ERI1: variants seen among roughly 807,000 people sequenced by gnomAD.
The protein encoded by ERI1 is exoribonuclease 1.
In ERI1, 39 loss-of-function variants were observed where a neutral mutation model predicts 39.7. That is an observed-to-expected ratio of 0.98 (90% CI 0.76 to 1.28). The LOEUF is 1.28. Ranked by LOEUF, ERI1 falls within the 50% of genes most tolerant of loss-of-function variation. The probability of loss-of-function intolerance (pLI) is 0.00; values close to 1 mark genes in which losing one functional copy is unlikely to be tolerated. For missense variants in ERI1, 581 were observed against 416.9 expected, an observed-to-expected ratio of 1.39 and a Z score of -3.43; for synonymous variants, 204 against 149.6, an observed-to-expected ratio of 1.36 and a Z score of -2.65.
At chr8:9,007,072 T>C (rs918671196) in intron 1 of ERI1, among the ~76,000 whole-genome samples, 4 of 152,222 alleles carry the variant, frequency 2.6e-5, no homozygotes, top group Admixed American at 6.5e-5. Context: ...ATATTGCATG[T>C]GGAAAATAAC....
intron 3 of ERI1, among the ~76,000 whole-genome samples, chr8:9,038,374 A>G (rs1184073927): frequency 6.6e-6 from 1 of 152,240 alleles, no homozygotes; most frequent in Non-Finnish European, 1.5e-5. Context: ...TTTTCATGTT[A>G]TAGCTTGTCA....
chr8:9,039,133 A>G (rs1198927983), intron 3 of ERI1, among the ~76,000 whole-genome samples: 1 of 152,220 alleles, frequency 6.6e-6, no homozygotes, highest in Non-Finnish European at 1.5e-5. Flanking sequence ...ACTATCAAAT[A>G]ATTATTCATT....
chr8:9,013,196 G>A (rs1816854861), intron 3 of ERI1, among the ~76,000 whole-genome samples: 1 of 151,630 alleles, frequency 6.6e-6, no homozygotes. Flanking sequence ...TTGTATTTTA[G>A]TAGAGACAGG....
At chr8:9,077,896 CCTTT>C (rs1407504176) in intron 3 of ERI1, among the ~76,000 whole-genome samples, 2 of 152,214 alleles carry the variant, frequency 1.3e-5, no homozygotes, top group Admixed American at 1.3e-4. Context: ...CCCCATCCAA[CCTTT>C]CTTTCTGCCA....
At chr8:9,020,797 T>C (rs969821930) in intron 6 of ERI1, among the ~76,000 whole-genome samples, 1 of 152,210 alleles carries the variant, frequency 6.6e-6, no homozygotes, top group Admixed American at 6.5e-5. Flanking sequence ...GTGTGCCGTG[T>C]AAATGTTTAA....
At chr8:9,096,974 A>G (rs1016836600) in intron 3 of ERI1, 1 of 151,942 alleles carries the variant, frequency 6.6e-6, no homozygotes, top group Admixed American at 6.6e-5. Context: ...TGCCTTTATG[A>G]TGGGAGTCAG....
At chr8:9,060,602 C>G (rs1048335806) in intron 3 of ERI1, among the ~76,000 whole-genome samples, 3 of 152,056 alleles carry the variant, frequency 2.0e-5, no homozygotes, top group African/African-American at 7.2e-5. Context: ...TATGAAATGA[C>G]CACAGAATAG....
At chr8:9,050,688 C>T (rs73662287) in intron 3 of ERI1, among the ~76,000 whole-genome samples, 3,295 of 152,106 alleles carry the variant, frequency 0.022, 115 homozygotes, top group African/African-American at 0.075. Flanking sequence ...GGAAATTGTC[C>T]CTAAAATGAG....
intron 2 of ERI1, among the ~76,000 whole-genome samples, chr8:9,009,924 T>A (rs1385598557): frequency 1.3e-5 from 2 of 152,198 alleles, no homozygotes; most frequent in Admixed American, 6.5e-5. Flanking sequence ...GTAGCCAAGT[T>A]GTGAAGGAAC....
chr8:9,016,122 T>A (rs1423749118), intron 3 of ERI1, among the ~76,000 whole-genome samples, 200 bp from the exon 4 acceptor site: 2 of 152,226 alleles, frequency 1.3e-5, no homozygotes, highest in African/African-American at 4.8e-5. Flanking sequence ...TCGTAAAATA[T>A]TTTAAATTAT....
intron 3 of ERI1, among the ~76,000 whole-genome samples, chr8:9,052,751 A>T (rs1263831493): frequency 6.6e-6 from 1 of 152,238 alleles, no homozygotes; most frequent in Non-Finnish European, 1.5e-5. Context: ...GGCACTGAGC[A>T]TCAAAGACCC....
intron 4 of ERI1, among the ~76,000 whole-genome samples, chr8:9,017,539 A>G (rs974946453): frequency 1.3e-5 from 2 of 152,120 alleles, no homozygotes; most frequent in Non-Finnish European, 2.9e-5. Context: ...TCAGTGTTTT[A>G]TTGCGGTGTT....
chr8:9,008,246 C>G, intron 2 of ERI1, 98 bp downstream of exon 2: 3 of 1,052,318 alleles, frequency 2.9e-6, no homozygotes, highest in Non-Finnish European at 4.0e-6. Flanking sequence ...GTAATCCTAC[C>G]GTAATGACAT....
At chr8:9,074,025 A>G (rs1460741756) in intron 3 of ERI1, among the ~76,000 whole-genome samples, 3 of 152,126 alleles carry the variant, frequency 2.0e-5, no homozygotes, top group African/African-American at 7.2e-5. Context: ...GGCTCAAGCA[A>G]TCTTCCTGCC....
At chr8:9,050,319 C>T (rs1339938875) in intron 3 of ERI1, among the ~76,000 whole-genome samples, 1 of 152,072 alleles carries the variant, frequency 6.6e-6, no homozygotes. Flanking sequence ...ACCACCCTGG[C>T]CAACATGGTG....
At chr8:9,005,682 A>G (rs1324645611) in intron 1 of ERI1, among the ~76,000 whole-genome samples, 2 of 149,496 alleles carry the variant, frequency 1.3e-5, no homozygotes, top group African/African-American at 5.1e-5. Context: ...AATTTTTTGT[A>G]TTTTTAGTAG....
chr8:9,056,662 G>A lies in ERI1; in HGVS notation n.299+36198G>A, dbSNP rs936746886. Among the ~76,000 whole-genome samples the A allele has an allele frequency of 4.6e-5, 7 of 152,116 alleles. No individual in the cohort carries two copies. In the South Asian group the frequency reaches 8.3e-4, roughly 18 times the overall value. ...GCAAAGTCTAAAGTGCATTTTTTTC[G>A]TTCCTTTGCCAGCACTATTATAGTT... is the stretch of plus-strand genomic sequence containing the variant. On this transcript the variant is annotated intron_variant and non_coding_transcript_variant, in intron 3 of 3. Coordinates refer to the ERI1 transcript ENST00000518663.
In ERI1 at chr8:9,018,368, A is replaced by G. The variant is rs754823400; in HGVS notation, c.654A>G (p.Glu218=). 88 of 1,609,534 alleles carry G rather than the reference A, an allele frequency of 5.5e-5. No homozygotes were observed. The East Asian group carries it at 1.9e-3, about 35-fold the overall frequency. ...KKVIDWMKLK[E]LGTKYKYSLL... ...TAATTGACTGGATGAAATTGAAGGA[A>G]TTAGGAACAAAGTATAAATACTCAC... Residue 218 remains glutamate, a synonymous_variant, in exon 5 of 7, where the codon GAA becomes GAG. Transcript: ENST00000250263.
intron 3 of ERI1, among the ~76,000 whole-genome samples, chr8:9,077,239 C>G (rs1042717222): frequency 1.3e-5 from 2 of 152,168 alleles, no homozygotes; most frequent in South Asian, 4.1e-4. Flanking sequence ...ATTTCCCTGC[C>G]ACATTCCTTC....
Sources: gnomAD v4.1 joint callset for allele counts (sites outside exome capture counted in the v4.1 genomes callset) on GRCh38, gnomAD v4.1.1 for gene constraint, MANE v1.5 for transcripts, NCBI Gene and HGNC (gene_info 2026-07-23, HGNC 2026-07-21) for gene names.